Variants in LRRC8A observed in about 807,000 individuals in gnomAD.
LRRC8A encodes leucine rich repeat containing 8 VRAC subunit A.
LRRC8A carries 24 observed loss-of-function variants against 52.5 expected under a neutral mutation model. That is an observed-to-expected ratio of 0.46 (90% confidence interval 0.33 to 0.64). The LOEUF (loss-of-function observed/expected upper bound fraction) is 0.64, where lower values mean the gene tolerates loss of function less well. Among genes scored for constraint, LRRC8A ranks in the 30% least tolerant of loss-of-function variants. The probability of loss-of-function intolerance (pLI) is 0.02; values close to 1 mark genes in which losing one functional copy is unlikely to be tolerated. For missense variants in LRRC8A, 677 were observed against 1,094.7 expected (o/e 0.62, Z 5.38); for synonymous variants, 492 against 494.2 (o/e 1.00, Z 0.06).
chr9:128,915,617 A>T (rs1840777587), intron 3 of LRRC8A, among the ~76,000 whole-genome samples: 1 of 152,102 alleles, frequency 6.6e-6, no homozygotes, highest in Admixed American at 6.6e-5. Flanking sequence ...GAGCCACCGC[A>T]CCCGGCCTAG....
intron 2 of LRRC8A, among the ~76,000 whole-genome samples, chr9:128,889,007 G>A (rs73669985): frequency 0.024 from 3,682 of 152,092 alleles, 151 homozygotes; most frequent in African/African-American, 0.084. Context: ...TCTTACCTTC[G>A]CCACAGCCTT....
intron 3 of LRRC8A, among the ~76,000 whole-genome samples, chr9:128,915,143 T>C (rs1350304594): frequency 1.1e-4 from 16 of 152,224 alleles, no homozygotes; most frequent in Admixed American, 9.8e-4. Flanking sequence ...CACATTAAGC[T>C]GCATACGGGT....
chr9:128,893,765 G>A (rs1462685831), intron 2 of LRRC8A, among the ~76,000 whole-genome samples: 1 of 152,166 alleles, frequency 6.6e-6, no homozygotes, highest in Non-Finnish European at 1.5e-5. Context: ...AATAATGGAA[G>A]AATGTATAAT....
chr9:128,885,484 C>T (rs903191632), intron 1 of LRRC8A: 5 of 152,338 alleles, frequency 3.3e-5, no homozygotes, highest in Admixed American at 3.3e-4. Flanking sequence ...AAAGCCTTCC[C>T]TGACCCCACT....
chr9:128,906,238 C>T (rs1840242880), intron 2 of LRRC8A, among the ~76,000 whole-genome samples: 1 of 152,180 alleles, frequency 6.6e-6, no homozygotes, highest in Non-Finnish European at 1.5e-5. Context: ...AAGCGATCCT[C>T]CCACTTCATC....
intron 2 of LRRC8A, among the ~76,000 whole-genome samples, chr9:128,887,653 C>CT (rs566870422): frequency 1.6e-4 from 23 of 147,904 alleles, no homozygotes; most frequent in African/African-American, 3.0e-4. Flanking sequence ...CCCCGGACCT[C>CT]TTTTTTTTTT....
chr9:128,882,377 C>T (rs899417840), intron 1 of LRRC8A, 127 bp downstream of exon 1: 1 of 230,858 alleles, frequency 4.3e-6, no homozygotes, highest in Admixed American at 5.7e-5. Context: ...GGGCCGGCCC[C>T]CTGGGGACCT....
At chr9:128,890,281 T>C (rs1002173235) in intron 2 of LRRC8A, among the ~76,000 whole-genome samples, 4 of 152,074 alleles carry the variant, frequency 2.6e-5, no homozygotes, top group Non-Finnish European at 5.9e-5. Context: ...TCCAGATGCG[T>C]TTCTGTTGCG....
At chr9:128,897,504 G>A (rs1005398083) in intron 2 of LRRC8A, among the ~76,000 whole-genome samples, 15 of 152,016 alleles carry the variant, frequency 9.9e-5, no homozygotes, top group African/African-American at 2.7e-4. Flanking sequence ...CACAGCACAC[G>A]GCCTGTCTTA....
At position 128,916,024 on chromosome 9, in the gene LRRC8A, G is replaced by T; in HGVS notation, c.2158-72G>T. The T allele has an allele frequency of 6.6e-7, 1 of 1,506,004 alleles. No individual in the cohort carries two copies. The highest frequency in any genetic ancestry group is 1.3e-5 in the South Asian group (1 of 79,108). The allele number at this position is 1,506,004 out of a possible 1,614,324, so 93.3% of individuals were successfully genotyped here. A position where few individuals can be genotyped will look rare whatever the true frequency, so the allele number is the denominator to read the frequency against. ...AAGATGCTGAGATCTTGGGGAGAGAGGGAAGGGAAGCCCAGAGGCCCCGTC... is the reference window on the plus strand; with the variant it reads ...AAGATGCTGAGATCTTGGGGAGAGATGGAAGGGAAGCCCAGAGGCCCCGTC... On this transcript the variant is annotated intron_variant, in intron 3 of 3. Transcript: ENST00000372600. The surrounding 1 kb of genome is among the most constrained non-coding windows in gnomAD (Gnocchi z 6.1).
At chr9:128,890,469 C>T (rs1373860756) in intron 2 of LRRC8A, among the ~76,000 whole-genome samples, 1 of 152,200 alleles carries the variant, frequency 6.6e-6, no homozygotes, top group African/African-American at 2.4e-5. Context: ...CAGAGTGCCA[C>T]TGCCAAACCT....
chr9:128,912,058 G>A (rs978645127), intron 3 of LRRC8A, among the ~76,000 whole-genome samples: 3 of 152,332 alleles, frequency 2.0e-5, no homozygotes, highest in Middle Eastern at 3.4e-3. Context: ...TCGTTCACTC[G>A]TTTACTGATG....
chr9:128,903,488 C>G (rs1384163524), intron 2 of LRRC8A, among the ~76,000 whole-genome samples: 2 of 151,112 alleles, frequency 1.3e-5, no homozygotes, highest in East Asian at 3.9e-4. Flanking sequence ...TCTCGGCTCA[C>G]TGCAAGCTCC....
chr9:128,911,893 C>A lies in LRRC8A; in HGVS notation c.2157+2572C>A, dbSNP rs1305162181. 6.6e-6 allele frequency among the ~76,000 whole-genome samples: 1 copy of A among 152,258 alleles called. No individual in the cohort carries two copies. Among genetic ancestry groups the A allele is most frequent in the African/African-American group, 2.4e-5 (1 of 41,476 alleles). On this transcript the variant is annotated intron_variant, in intron 3 of 3. Transcript: ENST00000372600. This position sits in a 1 kb window ranked among gnomAD's most constrained non-coding sequence, Gnocchi z 4.9. ...CCTCATTCTGAGTGGGAGGCCTGAG[C>A]CCCTCTTCCTCCTCACTCGGGCTTG... is the stretch of plus-strand genomic sequence containing the variant.
At chr9:128,903,660 G>A (rs963703350) in intron 2 of LRRC8A, among the ~76,000 whole-genome samples, 9 of 151,632 alleles carry the variant, frequency 5.9e-5, no homozygotes, top group Non-Finnish European at 8.8e-5. Context: ...TGATCCGCCC[G>A]CCTTGGCCTC....
rs376690316 is a variant in LRRC8A, at chr9:128,895,397, C to T, written c.-9+9276C>T. 3.3e-5 allele frequency among the ~76,000 whole-genome samples: 5 copies of T among 152,336 alleles called. No homozygotes were observed. The East Asian group carries it at 5.8e-4, about 18-fold the overall frequency. ...TGTAAAAGCAGAGGCTTAGGCTAAA[C>T]AATTTGCCTGGGGTCACAGAATTAT... On this transcript the variant is annotated intron_variant, in intron 2 of 3. Coordinates refer to ENST00000372600, the MANE Select transcript of LRRC8A (RefSeq NM_019594.4).
intron 2 of LRRC8A, among the ~76,000 whole-genome samples, chr9:128,904,938 C>T (rs1351953760): frequency 7.0e-6 from 1 of 142,702 alleles, no homozygotes; most frequent in African/African-American, 2.7e-5. Flanking sequence ...GCGGAGCTTG[C>T]AGTGAGCCAA....
At chr9:128,910,230 TG>T (rs1416086795) in intron 3 of LRRC8A, among the ~76,000 whole-genome samples, 7 of 152,152 alleles carry the variant, frequency 4.6e-5, no homozygotes, top group African/African-American at 1.7e-4. Flanking sequence ...CACATCCAGG[TG>T]GAGATTCCTG....
intron 2 of LRRC8A, among the ~76,000 whole-genome samples, chr9:128,903,368 G>A (rs1840103397): frequency 6.6e-6 from 1 of 151,506 alleles, no homozygotes; most frequent in Non-Finnish European, 1.5e-5. Flanking sequence ...AGCCTAGAAA[G>A]ATTGGGGCTG....
Sources: gnomAD v4.1 joint callset for allele counts (sites outside exome capture counted in the v4.1 genomes callset) on GRCh38, gnomAD v4.1.1 for gene constraint, Gnocchi (gnomAD v3.1) non-coding constraint, MANE v1.5 for transcripts, NCBI Gene and HGNC (gene_info 2026-07-23, HGNC 2026-07-21) for gene names.